Variants in CRYBG1 observed in about 807,000 individuals in gnomAD.
The protein encoded by CRYBG1 is beta/gamma crystallin domain-containing protein 1.
In CRYBG1, 139 loss-of-function variants were observed where a neutral mutation model predicts 189.2. That is an observed-to-expected ratio of 0.73 (90% CI 0.64 to 0.85). The LOEUF is 0.85. Among genes scored for constraint, CRYBG1 ranks in the 40% least tolerant of loss-of-function variants. The pLI is 0.00. For missense variants in CRYBG1, 2,611 were observed against 2,675.8 expected, an observed-to-expected ratio of 0.98 and a Z score of 0.53; for synonymous variants, 1,023 against 1,017.1, an observed-to-expected ratio of 1.01 and a Z score of -0.11.
intron 7 of CRYBG1, among the ~76,000 whole-genome samples, chr6:106,528,437 CTT>C: frequency 6.6e-6 from 1 of 152,302 alleles, no homozygotes. Context: ...GTCCCCTCCC[CTT>C]TTATTTTTTG....
intron 1 of CRYBG1, among the ~76,000 whole-genome samples, chr6:106,437,728 C>T (rs1486245030): frequency 1.3e-5 from 2 of 152,196 alleles, no homozygotes; most frequent in African/African-American, 4.8e-5. Context: ...TGAGCTACTG[C>T]ACCTAGCCTT....
At chr6:106,491,523 C>T (rs1386508938) in intron 2 of CRYBG1, among the ~76,000 whole-genome samples, 1 of 152,164 alleles carries the variant, frequency 6.6e-6, no homozygotes, top group Non-Finnish European at 1.5e-5. Context: ...ATGACCCAAG[C>T]TGGACTCCCT....
chr6:106,554,895 G>A lies in CRYBG1; in HGVS notation c.5586-873G>A, dbSNP rs138639378. On this transcript the variant is annotated intron_variant, in intron 16 of 21. Coordinates refer to ENST00000633556, the MANE Select transcript of CRYBG1 (RefSeq NM_001371242.2). ...AAACAACAACAACAGGGCCAGGCAC[G>A]GTGACTCACACCTGTAATCCCAGCA... Among the ~76,000 whole-genome samples, 152 of 151,896 alleles carry A rather than the reference G, an allele frequency of 1.0e-3. 3 individuals are homozygous for A. The East Asian group carries it at 0.026, about 26-fold the overall frequency.
chr6:106,449,199 C>CT (rs1027640553), intron 1 of CRYBG1, among the ~76,000 whole-genome samples: 3 of 152,106 alleles, frequency 2.0e-5, no homozygotes, highest in African/African-American at 7.2e-5. Flanking sequence ...AGAGATAGGT[C>CT]TTTTTTGGAG....
At position 106,360,764 on chromosome 6, in the gene CRYBG1, TC is replaced by T; in HGVS notation, c.-139del. 5.3e-6 allele frequency: 5 copies of T among 941,006 alleles called. No homozygotes were observed. Among genetic ancestry groups the T allele is most frequent in the East Asian group, 3.0e-5 (1 of 32,844 alleles). 58.3% of individuals were successfully genotyped at this position (941,006 alleles called of 1,614,324 possible). On this transcript the variant is annotated 5_prime_UTR_variant, in exon 1 of 22. Coordinates refer to ENST00000633556, the MANE Select transcript of CRYBG1 (RefSeq NM_001371242.2). ...GTGCTGGTTCTGCAACCCGCGGCCG[TC>T]CCCCCGCATCCGCGACGAGGGGGCG...
chr6:106,504,640 C>T (rs1216045624), intron 2 of CRYBG1, among the ~76,000 whole-genome samples: 4 of 151,066 alleles, frequency 2.6e-5, no homozygotes, highest in Admixed American at 1.3e-4. Flanking sequence ...TTTTGCTGTG[C>T]GTGTGTGTGT....
Position 106,541,212 on chromosome 6 carries a change from C to T in CRYBG1, c.4846-374C>T, listed in dbSNP as rs185764824. ...CTGAAGGATGAACTGAGGGCAGGAT[C>T]GTTAAATGCAGAAGCCGAAGACAGT... is the stretch of plus-strand genomic sequence containing the variant. On this transcript the variant is annotated intron_variant, in intron 9 of 21. Coordinates refer to ENST00000633556, the MANE Select transcript of CRYBG1 (RefSeq NM_001371242.2). The T allele has an allele frequency of 1.2e-3, 587 of 481,296 alleles. 2 individuals are homozygous for T. The highest frequency in any genetic ancestry group is 2.0e-3 in the Non-Finnish European group (471 of 233,718). The allele number at this position is 481,296 out of a possible 1,614,324, so 29.8% of individuals were successfully genotyped here.
intron 3 of CRYBG1, among the ~76,000 whole-genome samples, chr6:106,515,310 G>C (rs976255747): frequency 6.6e-6 from 1 of 152,300 alleles, no homozygotes; most frequent in South Asian, 2.1e-4. Flanking sequence ...GTCTGAAGTA[G>C]GTTAATTGTA....
rs75048120 is a variant in CRYBG1, at chr6:106,544,130, A to C, written c.5040-441A>C. Among the ~76,000 whole-genome samples, 29 of 152,360 alleles carry C rather than the reference A, an allele frequency of 1.9e-4. 1 individual carries two copies. In the East Asian group the frequency reaches 5.6e-3, roughly 29 times the overall value. On this transcript the variant is annotated intron_variant, in intron 11 of 21. Transcript: ENST00000633556. ...ATTAGAATTATGCTCCAAGCTATTG[A>C]ACAGTTTGATAGTTCGCTTTCTGAT... is the stretch of plus-strand genomic sequence containing the variant.
intron 1 of CRYBG1, among the ~76,000 whole-genome samples, chr6:106,450,314 C>T (rs1334243090): frequency 6.6e-6 from 1 of 152,114 alleles, no homozygotes; most frequent in African/African-American, 2.4e-5. Flanking sequence ...TCTTCCTGCC[C>T]TTCTAAAGTG....
At chr6:106,384,389 T>G (rs1054413259) in intron 1 of CRYBG1, among the ~76,000 whole-genome samples, 45 of 152,324 alleles carry the variant, frequency 3.0e-4, no homozygotes, top group African/African-American at 1.1e-3. Flanking sequence ...ATTGTGCACT[T>G]TGTCTCTCTT....
intron 1 of CRYBG1, among the ~76,000 whole-genome samples, chr6:106,377,649 T>TATATATATATATATATATATATATATA (rs1311795670): frequency 1.4e-4 from 18 of 129,972 alleles, no homozygotes; most frequent in African/African-American, 5.3e-4. Context: ...ATATATATAT[T>TATATATATATATATATATATATATATA]TTCATTTGCA....
chr6:106,409,831 C>G (rs976966684), intron 1 of CRYBG1, among the ~76,000 whole-genome samples: 3 of 152,176 alleles, frequency 2.0e-5, no homozygotes, highest in African/African-American at 7.2e-5. Context: ...ATGCAGAAAA[C>G]TGAATCTGTA....
At chr6:106,565,573 C>T (rs1308648474) in intron 21 of CRYBG1, among the ~76,000 whole-genome samples, 1 of 152,084 alleles carries the variant, frequency 6.6e-6, no homozygotes, top group Non-Finnish European at 1.5e-5. Context: ...ATGCCTTTGC[C>T]TTCATTAAAG....
intron 2 of CRYBG1, chr6:106,454,837 G>A (rs1232556731): frequency 1.3e-5 from 2 of 152,462 alleles, no homozygotes; most frequent in East Asian, 3.9e-4. Flanking sequence ...ATGCTGGTCC[G>A]AGTGCAGTGG....
intron 1 of CRYBG1, among the ~76,000 whole-genome samples, chr6:106,390,931 A>G (rs1273376588): frequency 2.6e-5 from 4 of 152,154 alleles, no homozygotes. Context: ...TCTGTTGGGT[A>G]TATACTCAGA....
chr6:106,559,194 A>C (rs896041438), intron 18 of CRYBG1, among the ~76,000 whole-genome samples: 1 of 152,150 alleles, frequency 6.6e-6, no homozygotes, highest in Non-Finnish European at 1.5e-5. Flanking sequence ...AGTAAGAAAG[A>C]GCTGACTTTA....
At chr6:106,559,392 A>G (rs1165652753) in intron 18 of CRYBG1, among the ~76,000 whole-genome samples, 1 of 152,246 alleles carries the variant, frequency 6.6e-6, no homozygotes, top group Non-Finnish European at 1.5e-5. Flanking sequence ...AATGTAATAC[A>G]TGTTTTTAAG....
intron 1 of CRYBG1, among the ~76,000 whole-genome samples, chr6:106,443,707 A>AT (rs1771606195): frequency 6.7e-6 from 1 of 149,064 alleles, no homozygotes; most frequent in African/African-American, 2.5e-5. Flanking sequence ...ATAACCACAT[A>AT]ATTTTTTTTT....
Sources: allele counts gnomAD v4.1 joint callset (sites outside exome capture counted in the v4.1 genomes callset), GRCh38; gene constraint gnomAD v4.1.1; transcripts MANE v1.5; gene names NCBI Gene and HGNC (gene_info 2026-07-23, HGNC 2026-07-21).